The following PDE10A variants were observed in gnomAD, a reference collection of about 807,000 sequenced individuals.
The protein encoded by PDE10A is cAMP and cAMP-inhibited cGMP 3',5'-cyclic phosphodiesterase 10A.
In PDE10A, 39 loss-of-function variants were observed where a neutral mutation model predicts 97.7. That is an observed-to-expected ratio of 0.40 (90% CI 0.31 to 0.52). The LOEUF (loss-of-function observed/expected upper bound fraction) is 0.52. PDE10A is among the 20% of genes least tolerant of loss of function. PDE10A has a pLI of 0.56. For synonymous variants in PDE10A, 371 were observed against 376.8 expected (o/e 0.98, Z 0.18); for missense variants, 731 against 1,047.8 (o/e 0.70, Z 4.17).
rs75437109 is a variant in PDE10A at position 165,967,543 on chromosome 6, G to T, written c.-615+19986C>A. On this transcript the variant is annotated intron_variant, in intron 1 of 19. Transcript: ENST00000366882. The stretch of plus-strand genomic sequence containing the variant: ...CTGTCAGAAATTTTGAACACCATTC[G>T]TATCTATGGTTTTTTCTTAAACAAT... Among the ~76,000 whole-genome samples the T allele has an allele frequency of 9.2e-5, 14 of 152,298 alleles. No homozygotes were observed. The East Asian group carries it at 2.7e-3, about 29-fold the overall frequency.
At chr6:165,686,822 C>T (rs1255775076) in intron 1 of PDE10A, among the ~76,000 whole-genome samples, 1 of 152,200 alleles carries the variant, frequency 6.6e-6, no homozygotes, top group African/African-American at 2.4e-5. Flanking sequence ...CGTGCCAGCA[C>T]CTCCGCGGCT....
At chr6:165,430,231 C>T (rs1473097746) in intron 9 of PDE10A, 56 bp downstream of exon 9, 2 of 1,246,000 alleles carry the variant, frequency 1.6e-6, no homozygotes, top group African/African-American at 1.5e-5. Context: ...CACAGGCTGC[C>T]CTTAATTTAA....
chr6:165,446,990 T>C (rs1651932106), intron 5 of PDE10A, among the ~76,000 whole-genome samples: 1 of 152,016 alleles, frequency 6.6e-6, no homozygotes, highest in Admixed American at 6.6e-5. Flanking sequence ...TTCAAATTGA[T>C]ACATAAAATT....
chr6:165,331,498 T>A lies in PDE10A; in HGVS notation c.*1527A>T, dbSNP rs1039349059. 6.6e-6 allele frequency: 1 copy of A among 152,212 alleles called. No homozygotes were observed. The highest frequency in any genetic ancestry group is 2.4e-5 in the African/African-American group (1 of 41,462). 9.4% of individuals were successfully genotyped at this position (152,212 alleles called of 1,614,324 possible). ...CAGGCTCATATGAACAAAACGCCTA[T>A]GGTGGTAAATATGTAGAAGCATATT... On this transcript the variant is annotated 3_prime_UTR_variant, in exon 22 of 22. Coordinates refer to ENST00000539869, the MANE Select transcript of PDE10A (RefSeq NM_001385079.1).
At chr6:165,772,478 C>T (rs533398957) in intron 1 of PDE10A, among the ~76,000 whole-genome samples, 7 of 152,270 alleles carry the variant, frequency 4.6e-5, no homozygotes, top group Admixed American at 1.3e-4. Flanking sequence ...AGGGCCTCCG[C>T]GCTGTGGCCT....
intron 1 of PDE10A, among the ~76,000 whole-genome samples, chr6:165,970,384 A>G (rs964681901): frequency 6.6e-6 from 1 of 152,242 alleles, no homozygotes; most frequent in Admixed American, 6.5e-5. Flanking sequence ...AAGGTGATCA[A>G]TGTAAGAGAA....
At chr6:165,849,467 C>T (rs1276452221) in intron 1 of PDE10A, among the ~76,000 whole-genome samples, 2 of 152,212 alleles carry the variant, frequency 1.3e-5, no homozygotes, top group African/African-American at 2.4e-5. Flanking sequence ...GGCATCCGCC[C>T]CTTGGGAGTA....
chr6:165,539,273 T>G (rs1315905004), intron 2 of PDE10A, among the ~76,000 whole-genome samples: 1 of 152,160 alleles, frequency 6.6e-6, no homozygotes, highest in African/African-American at 2.4e-5. Context: ...GAAAATGCTA[T>G]GAAAGCAATA....
chr6:165,658,424 G>C (rs1790071892), intron 1 of PDE10A, among the ~76,000 whole-genome samples: 1 of 152,060 alleles, frequency 6.6e-6, no homozygotes, highest in Non-Finnish European at 1.5e-5. Flanking sequence ...TCCTTGACCA[G>C]CCGGGGTTTT....
chr6:165,534,570 T>C (rs1346735291), intron 2 of PDE10A, among the ~76,000 whole-genome samples: 2 of 152,048 alleles, frequency 1.3e-5, no homozygotes, highest in African/African-American at 4.8e-5. Flanking sequence ...AAAAACTAAA[T>C]TCTGTAATAC....
chr6:165,931,753 C>CA (rs1783143103), intron 1 of PDE10A, among the ~76,000 whole-genome samples: 1 of 152,150 alleles, frequency 6.6e-6, no homozygotes, highest in Non-Finnish European at 1.5e-5. Context: ...CAAAATAAAA[C>CA]AAAGACCCAG....
At chr6:165,501,251 A>G (rs1780861639) in intron 2 of PDE10A, among the ~76,000 whole-genome samples, 1 of 152,122 alleles carries the variant, frequency 6.6e-6, no homozygotes, top group Admixed American at 6.5e-5. Context: ...CCTTCATGGC[A>G]TGAACACCTA....
intron 2 of PDE10A, among the ~76,000 whole-genome samples, chr6:165,509,974 C>T (rs74966898): frequency 0.048 from 7,347 of 151,994 alleles, 405 homozygotes; most frequent in African/African-American, 0.13. Flanking sequence ...AGTTTTCTGA[C>T]GGTGTCTTTT....
chr6:165,447,182 G>A (rs1374330067), intron 5 of PDE10A, among the ~76,000 whole-genome samples: 2 of 152,028 alleles, frequency 1.3e-5, no homozygotes, highest in African/African-American at 4.8e-5. Context: ...TCAGCATTTT[G>A]GGCTCCCGTC....
At chr6:165,454,283 G>C (rs1265638520) in intron 3 of PDE10A, among the ~76,000 whole-genome samples, 1 of 152,158 alleles carries the variant, frequency 6.6e-6, no homozygotes, top group Non-Finnish European at 1.5e-5. Flanking sequence ...ATTTAGATGA[G>C]ACCCTGGACT....
At chr6:165,708,702 TC>T (rs1282771533) in intron 1 of PDE10A, among the ~76,000 whole-genome samples, 1 of 142,634 alleles carries the variant, frequency 7.0e-6, no homozygotes, top group East Asian at 2.2e-4. Flanking sequence ...TGCGCTCTCC[TC>T]ACCACTCTCT....
At chr6:165,873,403 G>A (rs1026636365) in intron 1 of PDE10A, among the ~76,000 whole-genome samples, 14 of 152,136 alleles carry the variant, frequency 9.2e-5, no homozygotes, top group African/African-American at 2.7e-4. Flanking sequence ...CTTGCTCTGC[G>A]GGGAAGGTCC....
upstream of PDE10A, among the ~76,000 whole-genome samples, chr6:165,667,195 A>G (rs1459279925): frequency 6.6e-6 from 1 of 152,198 alleles, no homozygotes; most frequent in Non-Finnish European, 1.5e-5. Context: ...AGTTTCAATT[A>G]AATTGTTTTT....
At chr6:165,937,243 C>T (rs1562806435) in intron 1 of PDE10A, among the ~76,000 whole-genome samples, 1 of 152,218 alleles carries the variant, frequency 6.6e-6, no homozygotes, top group Non-Finnish European at 1.5e-5. Context: ...TGGAAGGGTT[C>T]ATGTGGCACC....
Sources: allele counts gnomAD v4.1 joint callset (sites outside exome capture counted in the v4.1 genomes callset), GRCh38; gene constraint gnomAD v4.1.1; transcripts MANE v1.5; gene names NCBI Gene and HGNC (gene_info 2026-07-23, HGNC 2026-07-21).